The following NAA16 variants were observed in gnomAD, a reference collection of about 807,000 sequenced individuals.
NAA16 encodes NARG1-like protein.
Under a neutral mutation model 110.3 loss-of-function variants are expected in NAA16, and 97 were observed. The ratio of observed to expected loss-of-function variants is 0.88; its 90% CI spans 0.75 to 1.04. The LOEUF (loss-of-function observed/expected upper bound fraction) is 1.04. Ranked by LOEUF, NAA16 falls within the 50% of genes least tolerant of loss-of-function variation. The probability of loss-of-function intolerance (pLI) is 0.00; values close to 1 mark genes in which losing one functional copy is unlikely to be tolerated. For synonymous variants in NAA16, 372 were observed against 330.6 expected (o/e 1.13, Z -1.36); for missense variants, 1,017 against 1,005.1 (o/e 1.01, Z -0.16).
At position 41,369,224 on chromosome 13, in the gene NAA16, G is replaced by A; in HGVS notation, c.1888G>A (p.Glu630Lys). Residue 630 changes from glutamate (E) to lysine (K), a missense_variant, in exon 15 of 20, where the codon GAA becomes AAA. Transcript: ENST00000379406. Reference sequence around the variant, plus strand: ...GAAAAATCAAAAGAAAAAAAGAGATGAAGAAGAAGAAGAAGCCAGTGGCCT... The same window carrying A: ...GAAAAATCAAAAGAAAAAAAGAGATAAAGAAGAAGAAGAAGCCAGTGGCCT... ...QQKNQKKKRD[E>K]EEEEASGLKE... The A allele has an allele frequency of 6.3e-7, 1 of 1,583,768 alleles. No homozygotes were observed. The highest frequency in any genetic ancestry group is 8.6e-7 in the Non-Finnish European group (1 of 1,166,606).
At chr13:41,324,838 A>G (rs146521096) in intron 5 of NAA16, among the ~76,000 whole-genome samples, 4 of 150,790 alleles carry the variant, frequency 2.7e-5, no homozygotes, top group Admixed American at 6.6e-5. Flanking sequence ...GCAGGAGGCT[A>G]GCTGGGACTA....
intron 9 of NAA16, among the ~76,000 whole-genome samples, chr13:41,345,235 T>G (rs57990639): frequency 0.012 from 1,853 of 152,300 alleles, 31 homozygotes; most frequent in African/African-American, 0.041. Flanking sequence ...AAATGGTAAC[T>G]CTATGTTTAA....
chr13:41,342,357 C>T (rs1333799892), intron 9 of NAA16, among the ~76,000 whole-genome samples: 4 of 152,100 alleles, frequency 2.6e-5, no homozygotes, highest in East Asian at 1.9e-4. Flanking sequence ...AGGCTGGTCT[C>T]GAACTCCTGA....
chr13:41,313,343 A>G (rs938377366), intron 1 of NAA16, among the ~76,000 whole-genome samples: 9 of 152,188 alleles, frequency 5.9e-5, no homozygotes, highest in South Asian at 2.1e-4. Context: ...TACAGATGTG[A>G]GCTACTGTGC....
intron 13 of NAA16, among the ~76,000 whole-genome samples, chr13:41,365,419 C>T (rs568443656): frequency 6.6e-6 from 1 of 152,184 alleles, no homozygotes; most frequent in South Asian, 2.1e-4. Context: ...TTGCTACTTC[C>T]TCTGTATCTA....
intron 8 of NAA16, among the ~76,000 whole-genome samples, chr13:41,332,665 TAATAC>T (rs1474002657): frequency 2.0e-5 from 3 of 152,224 alleles, no homozygotes; most frequent in African/African-American, 7.2e-5. Context: ...TCTAGAAAGC[TAATAC>T]AACTTAAAAG....
chr13:41,333,883 A>AACC (rs2042307295), intron 8 of NAA16, among the ~76,000 whole-genome samples: 1 of 151,920 alleles, frequency 6.6e-6, no homozygotes, highest in Non-Finnish European at 1.5e-5. Context: ...GTTAAAGTGG[A>AACC]ACCATCCTAG....
intron 10 of NAA16, among the ~76,000 whole-genome samples, chr13:41,355,570 C>T (rs765556888): frequency 1.3e-4 from 20 of 152,166 alleles, no homozygotes; most frequent in Non-Finnish European, 2.9e-4. Context: ...GCTGGGATTA[C>T]AGGCGCCTGC....
At chr13:41,366,659 T>C (rs2043213028) in intron 13 of NAA16, among the ~76,000 whole-genome samples, 1 of 152,212 alleles carries the variant, frequency 6.6e-6, no homozygotes, top group Non-Finnish European at 1.5e-5. Flanking sequence ...GTTTTTATGC[T>C]TGTTTATACA....
At chr13:41,324,254 A>G (rs1189867207) in intron 5 of NAA16, among the ~76,000 whole-genome samples, 2 of 152,118 alleles carry the variant, frequency 1.3e-5, no homozygotes, top group East Asian at 1.9e-4. Context: ...AGTTCTGACC[A>G]AAAGATAGTA....
intron 13 of NAA16, chr13:41,362,781 C>T: frequency 7.8e-7 from 1 of 1,289,792 alleles, no homozygotes; most frequent in South Asian, 1.2e-5. Flanking sequence ...AAATGCACCC[C>T]TGAGGCAGTC....
At chr13:41,322,975 TGTTAAAG>T (rs2041984732) in intron 4 of NAA16, 74 bp from the exon 5 acceptor site, 8 of 1,199,534 alleles carry the variant, frequency 6.7e-6, no homozygotes, top group Non-Finnish European at 9.8e-6. Context: ...ATTAGAAATG[TGTTAAAG>T]GTTAGATTGT....
In NAA16 at chr13:41,317,052, G is replaced by T. The variant is rs1033373912; in HGVS notation, c.139+122G>T. On this transcript the variant is annotated intron_variant, in intron 2 of 19. Coordinates refer to ENST00000379406, the MANE Select transcript of NAA16 (RefSeq NM_024561.5). ...CAGTTCTCTATTAGAGTGCATAAAT[G>T]TTCAGCATTTTTTTAATGCTTTATA... The T allele has an allele frequency of 2.7e-5, 18 of 663,288 alleles. No homozygotes were observed. In the Admixed American group the frequency reaches 3.9e-4, roughly 14 times the overall value. The allele number at this position is 663,288 out of a possible 1,614,324, so 41.1% of individuals were successfully genotyped here.
intron 9 of NAA16, among the ~76,000 whole-genome samples, chr13:41,350,620 G>GTTTTTT: frequency 3.1e-4 from 1 of 3,260 alleles, no homozygotes; most frequent in East Asian, 0.016. Context: ...TTTTTTTTTT[G>GTTTTTT]TTTGTTTGTT....
chr13:41,350,061 A>G lies in NAA16; in HGVS notation c.1015-5083A>G, dbSNP rs568000481. ...CACTTTGGGAGTCCAAGGCAGGAGG[A>G]TTGCTTGAGCTCAGCCTGGGCAATG... On this transcript the variant is annotated intron_variant, in intron 9 of 19. Coordinates refer to ENST00000379406, the MANE Select transcript of NAA16 (RefSeq NM_024561.5). Among the ~76,000 whole-genome samples the G allele has an allele frequency of 3.3e-4, 50 of 151,344 alleles. No individual in the cohort carries two copies. In the South Asian group the frequency reaches 0.01, roughly 30 times the overall value.
chr13:41,329,506 AT>A (rs35949933), intron 7 of NAA16, among the ~76,000 whole-genome samples: 4,906 of 138,608 alleles, frequency 0.035, 103 homozygotes, highest in South Asian at 0.12. Flanking sequence ...AAACAGCAGA[AT>A]TTTTTTTTTT....
intron 9 of NAA16, among the ~76,000 whole-genome samples, chr13:41,349,172 T>C (rs1306223095): frequency 6.6e-6 from 1 of 152,098 alleles, no homozygotes; most frequent in African/African-American, 2.4e-5. Context: ...TTTCTAATTT[T>C]TTTTTCTTTT....
chr13:41,331,238 G>A (rs554872630), intron 7 of NAA16, 36 bp from the exon 8 acceptor site: 4 of 1,278,744 alleles, frequency 3.1e-6, no homozygotes, highest in East Asian at 2.3e-5. Flanking sequence ...TAAAAGTTTT[G>A]ATGCTATGAA....
rs569325711 is a variant in NAA16, at chr13:41,311,510, A to C, written c.-19A>C. 1.4e-5 allele frequency: 23 copies of C among 1,591,390 alleles called. No individual in the cohort carries two copies. The highest frequency in any genetic ancestry group is 1.9e-5 in the Non-Finnish European group (22 of 1,169,702). On this transcript the variant is annotated 5_prime_UTR_variant, in exon 1 of 20. Transcript: ENST00000379406. ...CACCTAGCCTCCCTGCCGGCCACCT[A>C]GCCTCCCTGCCGGCCACGATGCCGA... is the stretch of plus-strand genomic sequence containing the variant.
Sources: gnomAD v4.1 joint callset for allele counts (sites outside exome capture counted in the v4.1 genomes callset) on GRCh38, gnomAD v4.1.1 for gene constraint, MANE v1.5 for transcripts, NCBI Gene and HGNC (gene_info 2026-07-23, HGNC 2026-07-21) for gene names.